The following TENM1 variants were observed in gnomAD, a reference collection of about 807,000 sequenced individuals.
The protein encoded by TENM1 is teneurin-1.
TENM1 carries 35 observed loss-of-function variants against 174.8 expected under a neutral mutation model. That is an observed-to-expected ratio of 0.20 (90% CI 0.15 to 0.27). The LOEUF (loss-of-function observed/expected upper bound fraction) is 0.27. Among genes scored for constraint, TENM1 ranks in the 10% least tolerant of loss-of-function variants. The pLI, the probability that TENM1 is intolerant of heterozygous loss-of-function variation, is 1.00. For missense variants in TENM1, 1,633 were observed against 2,130.1 expected, an observed-to-expected ratio of 0.77 and a Z score of 4.59; for synonymous variants, 781 against 798.7, an observed-to-expected ratio of 0.98 and a Z score of 0.37.
chrX:125,038,376 T>A, the TENM1 span, among the ~76,000 whole-genome samples: 1 of 110,472 alleles, frequency 9.1e-6, no homozygotes, highest in South Asian at 3.9e-4. Flanking sequence ...TTTCATCATC[T>A]GAAAAATAGG....
rs930748718 is a variant in TENM1 at position 124,420,880 on chromosome X, C to A, written c.4472-59G>T. 7 of 1,057,879 alleles carry A rather than the reference C, an allele frequency of 6.6e-6. No individual in the cohort carries two copies. In the East Asian group the frequency reaches 1.8e-4, roughly 28 times the overall value. The allele number at this position is 1,057,879 out of a possible 1,213,427, so 87.2% of individuals were successfully genotyped here. On this transcript the variant is annotated intron_variant, in intron 24 of 31. Coordinates refer to ENST00000422452, the Ensembl canonical transcript of TENM1. ...ATCATAAGCATTTACATGAACATAC[C>A]ACAGACATAAAGCTCTGTGCATCAA...
At chrX:124,622,992 TA>T (rs1381567543) in intron 11 of TENM1, among the ~76,000 whole-genome samples, 25 of 112,062 alleles carry the variant, frequency 2.2e-4, no homozygotes, top group Non-Finnish European at 5.6e-5. Context: ...GTAACCTAAG[TA>T]AATAAAATTT....
the TENM1 span, among the ~76,000 whole-genome samples, chrX:125,109,396 G>T: frequency 3.3e-4 from 36 of 110,469 alleles, no homozygotes; most frequent in Admixed American, 2.9e-3. Context: ...AAGTTCGGGG[G>T]TACGTGTGCA....
At chrX:125,163,174 A>G in the TENM1 span, among the ~76,000 whole-genome samples, 7 of 111,350 alleles carry the variant, frequency 6.3e-5, no homozygotes, top group Non-Finnish European at 1.3e-4. Flanking sequence ...ACAGAACTCA[A>G]TAGTAGCAGT....
intron 25 of TENM1, among the ~76,000 whole-genome samples, chrX:124,414,947 C>G (rs1166442909): frequency 8.9e-6 from 1 of 111,769 alleles, no homozygotes; most frequent in Non-Finnish European, 1.9e-5. Flanking sequence ...TCCCCTTGTC[C>G]ACATAAAGAA....
At chrX:124,652,727 G>A (rs1431487160) in intron 7 of TENM1, among the ~76,000 whole-genome samples, 1 of 111,087 alleles carries the variant, frequency 9.0e-6, no homozygotes, top group Non-Finnish European at 1.9e-5. Flanking sequence ...AATTTACTAC[G>A]TTTGTGGGTG....
Position 124,563,027 on chromosome X carries a change from G to A in TENM1, c.2287+722C>T, listed in dbSNP as rs183628465. 2.9e-3 allele frequency among the ~76,000 whole-genome samples: 325 copies of A among 111,964 alleles called. 3 individuals are homozygous for A. The highest frequency in any genetic ancestry group is 0.01 in the African/African-American group (310 of 30,933). ...AGAAAATATGAAAAGCTTGATGTAC[G>A]TAATATACTCATGACATGGCATATG... On this transcript the variant is annotated intron_variant, in intron 13 of 31. Transcript: ENST00000422452.
the TENM1 span, among the ~76,000 whole-genome samples, chrX:125,131,280 T>C: frequency 7.2e-5 from 8 of 111,849 alleles, no homozygotes; most frequent in Non-Finnish European, 1.5e-4. Context: ...ACAGCTTTAC[T>C]GATGCACTAG....
the TENM1 span, among the ~76,000 whole-genome samples, chrX:125,171,725 G>A: frequency 9.0e-6 from 1 of 111,556 alleles, no homozygotes; most frequent in Non-Finnish European, 1.9e-5. Flanking sequence ...CAGTGCCTTG[G>A]CGTTGGAATT....
At chrX:124,923,243 T>G in intron 1 of TENM1, among the ~76,000 whole-genome samples, 1 of 111,922 alleles carries the variant, frequency 8.9e-6, no homozygotes, top group Middle Eastern at 4.6e-3. Flanking sequence ...TTTAATGCTT[T>G]TGGCCTTAAA....
At chrX:124,454,560 C>T (rs943614230) in intron 22 of TENM1, among the ~76,000 whole-genome samples, 7 of 110,766 alleles carry the variant, frequency 6.3e-5, no homozygotes, top group Admixed American at 9.6e-5. Flanking sequence ...CCTGCCAGCA[C>T]GCCTGGCTAG....
chrX:124,705,123 C>T (rs758639803), exon 5 of TENM1: 14 of 1,211,012 alleles, frequency 1.2e-5, no homozygotes, highest in African/African-American at 1.7e-5. Context: ...AAAGGCAGGT[C>T]GGGAAAAGGT....
At chrX:124,462,440 T>TGG (rs1569532927) in intron 22 of TENM1, among the ~76,000 whole-genome samples, 3 of 5,241 alleles carry the variant, frequency 5.7e-4, no homozygotes, top group Non-Finnish European at 1.0e-3. Context: ...GTGGGGGGGG[T>TGG]GGGGGTGGGG....
At chrX:124,790,503 T>G (rs1386416808) in intron 3 of TENM1, among the ~76,000 whole-genome samples, 2 of 112,154 alleles carry the variant, frequency 1.8e-5, no homozygotes, top group Non-Finnish European at 3.8e-5. Context: ...CTACAAAAGC[T>G]ACTCCATAAA....
intron 22 of TENM1, among the ~76,000 whole-genome samples, chrX:124,458,958 T>C (rs1569532705): frequency 3.6e-5 from 4 of 112,356 alleles, no homozygotes; most frequent in Non-Finnish European, 7.5e-5. Context: ...GTGTGAGCAC[T>C]GTCCTAGGCA....
intron 9 of TENM1, among the ~76,000 whole-genome samples, chrX:124,646,018 C>T (rs905146320): frequency 5.4e-5 from 6 of 111,837 alleles, no homozygotes; most frequent in South Asian, 3.7e-4. Flanking sequence ...AGAAAGAAAC[C>T]AAGTGTCTGA....
chrX:124,495,214 G>A (rs1461176479), intron 20 of TENM1, among the ~76,000 whole-genome samples: 12 of 99,407 alleles, frequency 1.2e-4, no homozygotes, highest in Admixed American at 4.5e-4. Context: ...TCTAACTGGT[G>A]TGAGATGGTA....
intron 11 of TENM1, among the ~76,000 whole-genome samples, chrX:124,571,882 C>G (rs1047032058): frequency 1.8e-5 from 2 of 110,984 alleles, no homozygotes; most frequent in African/African-American, 6.5e-5. Flanking sequence ...AAAGGGAAAC[C>G]ATCTTGAATC....
At chrX:124,601,017 A>G (rs768234553) in intron 11 of TENM1, among the ~76,000 whole-genome samples, 5 of 111,976 alleles carry the variant, frequency 4.5e-5, no homozygotes, top group Admixed American at 9.5e-5. Context: ...GGAAATACAC[A>G]ATAAAGAATT....
Sources: allele counts gnomAD v4.1 joint callset (sites outside exome capture counted in the v4.1 genomes callset), GRCh38; gene constraint gnomAD v4.1.1; transcripts MANE v1.5; gene names NCBI Gene and HGNC (gene_info 2026-07-23, HGNC 2026-07-21).